The following SLC38A1 variants were observed in gnomAD, a reference collection of about 807,000 sequenced individuals.
SLC38A1 encodes the protein sodium-coupled neutral amino acid symporter 1.
A neutral mutation model predicts 60.3 loss-of-function variants in SLC38A1; 18 were observed. That is an observed-to-expected ratio of 0.30 (90% CI 0.21 to 0.44). SLC38A1 has a LOEUF of 0.44. Ranked by LOEUF, SLC38A1 falls within the 20% of genes least tolerant of loss-of-function variation. The pLI is 1.00. For missense variants in SLC38A1, 448 were observed against 587.2 expected, an observed-to-expected ratio of 0.76 and a Z score of 2.45; for synonymous variants, 196 against 212.1, an observed-to-expected ratio of 0.92 and a Z score of 0.66.
At chr12:46,196,089 A>C in intron 16 of SLC38A1, 1 of 1,508,894 alleles carries the variant, frequency 6.6e-7, no homozygotes, top group Non-Finnish European at 8.9e-7. Context: ...TCTTGGAAGC[A>C]ACCTCAGGTA....
intron 1 of SLC38A1, among the ~76,000 whole-genome samples, chr12:46,248,627 A>C (rs1179209321): frequency 2.0e-5 from 3 of 152,216 alleles, no homozygotes; most frequent in Non-Finnish European, 4.4e-5. Context: ...CAGAAGGTTA[A>C]CAAGGATATC....
At chr12:46,196,770 A>T (rs1234288916) in intron 16 of SLC38A1, among the ~76,000 whole-genome samples, 1 of 152,074 alleles carries the variant, frequency 6.6e-6, no homozygotes, top group Non-Finnish European at 1.5e-5. Context: ...GACCAAGCAA[A>T]ATGGAGCTCC....
At chr12:46,242,888 C>T (rs1393456132) in intron 2 of SLC38A1, among the ~76,000 whole-genome samples, 1 of 152,064 alleles carries the variant, frequency 6.6e-6, no homozygotes, top group Admixed American at 6.5e-5. Context: ...CCAAATGGGC[C>T]ACTGTTAAGA....
intron 1 of SLC38A1, among the ~76,000 whole-genome samples, chr12:46,253,582 C>T (rs1487036603): frequency 1.3e-5 from 2 of 152,190 alleles, no homozygotes; most frequent in Non-Finnish European, 2.9e-5. Context: ...AGCTTCTTTA[C>T]TGCAACCTGT....
intron 16 of SLC38A1, among the ~76,000 whole-genome samples, chr12:46,195,048 G>A (rs1225285920): frequency 6.6e-6 from 1 of 152,090 alleles, no homozygotes; most frequent in Non-Finnish European, 1.5e-5. Flanking sequence ...TTTCTGCTCT[G>A]GTTTCTCTCC....
At chr12:46,255,784 C>A (rs1318232563) in intron 1 of SLC38A1, among the ~76,000 whole-genome samples, 1 of 152,172 alleles carries the variant, frequency 6.6e-6, no homozygotes, top group African/African-American at 2.4e-5. Flanking sequence ...AGCATAGCTA[C>A]GGGGTGTGGC....
chr12:46,206,213 T>C, intron 8 of SLC38A1, 51 bp from the exon 9 acceptor site: 1 of 1,097,350 alleles, frequency 9.1e-7, no homozygotes, highest in Non-Finnish European at 1.4e-6. Flanking sequence ...AGTGACTTTT[T>C]TCCCCTCCAA....
Position 46,260,743 on chromosome 12 carries a change from A to G in SLC38A1, c.-209+7783T>C, listed in dbSNP as rs561642448. Among the ~76,000 whole-genome samples the G allele has an allele frequency of 5.3e-4, 81 of 152,252 alleles. No homozygotes were observed. The South Asian group carries it at 0.016, about 31-fold the overall frequency. On this transcript the variant is annotated intron_variant, in intron 1 of 16. Coordinates refer to ENST00000398637, the MANE Select transcript of SLC38A1 (RefSeq NM_030674.4). Reference sequence around the variant, plus strand: ...GAGTATGGCTTTCATACAACCTCATATCTAATCAGTTGCCAAGTCCTGCCA... The same window carrying G: ...GAGTATGGCTTTCATACAACCTCATGTCTAATCAGTTGCCAAGTCCTGCCA...
At chr12:46,236,243 T>A (rs1481326580) in intron 3 of SLC38A1, among the ~76,000 whole-genome samples, 1 of 152,198 alleles carries the variant, frequency 6.6e-6, no homozygotes, top group African/African-American at 2.4e-5. Flanking sequence ...CAATTTTTTA[T>A]GTGTGAAAAA....
chr12:46,194,904 G>T lies in SLC38A1; in HGVS notation c.1362+2816C>A, dbSNP rs772319923. Among the ~76,000 whole-genome samples, 21 of 152,096 alleles carry T rather than the reference G, an allele frequency of 1.4e-4. No homozygotes were observed. The Middle Eastern group carries it at 0.014, about 99-fold the overall frequency. ...ATGCTCCTTTAGCTCAGAGAAGTTT[G>T]TTATTACCAACCTTCTGAAGCCTAC... On this transcript the variant is annotated intron_variant, in intron 16 of 16. Coordinates refer to ENST00000398637, the MANE Select transcript of SLC38A1 (RefSeq NM_030674.4).
chr12:46,247,596 G>A (rs570881914), intron 1 of SLC38A1, among the ~76,000 whole-genome samples: 2 of 152,290 alleles, frequency 1.3e-5, no homozygotes, highest in African/African-American at 4.8e-5. Context: ...ATGAAACAAA[G>A]TTAGAAAACA....
chr12:46,232,429 T>C (rs1475973536), intron 3 of SLC38A1, among the ~76,000 whole-genome samples: 1 of 152,252 alleles, frequency 6.6e-6, no homozygotes, highest in Non-Finnish European at 1.5e-5. Context: ...ATAAAAGCAA[T>C]ATATTTGCAG....
At chr12:46,225,732 C>T (rs751593828) in intron 5 of SLC38A1, among the ~76,000 whole-genome samples, 7 of 152,148 alleles carry the variant, frequency 4.6e-5, no homozygotes, top group Admixed American at 3.9e-4. Context: ...GTTTTCCCCC[C>T]ATTCTTGAAG....
chr12:46,263,382 T>C (rs1452132025), intron 1 of SLC38A1, among the ~76,000 whole-genome samples: 1 of 152,178 alleles, frequency 6.6e-6, no homozygotes, highest in East Asian at 1.9e-4. Context: ...GCCTGGTCTT[T>C]TTATTTTTAT....
chr12:46,254,235 T>C (rs1313080580), intron 1 of SLC38A1, among the ~76,000 whole-genome samples: 1 of 152,218 alleles, frequency 6.6e-6, no homozygotes, highest in African/African-American at 2.4e-5. Flanking sequence ...TTGTTTCTTC[T>C]GAGCAGCAGC....
At chr12:46,257,920 G>A (rs753653381) in intron 1 of SLC38A1, among the ~76,000 whole-genome samples, 4 of 152,254 alleles carry the variant, frequency 2.6e-5, no homozygotes, top group African/African-American at 4.8e-5. Flanking sequence ...AGTCCATAGA[G>A]TAAAGCGAAA....
intron 5 of SLC38A1, among the ~76,000 whole-genome samples, chr12:46,222,643 T>C (rs898964584): frequency 5.3e-5 from 8 of 152,178 alleles, no homozygotes; most frequent in Non-Finnish European, 1.0e-4. Flanking sequence ...ATTTAACAAG[T>C]TTCCTAGGGT....
intron 5 of SLC38A1, among the ~76,000 whole-genome samples, chr12:46,220,694 T>C (rs1452911148): frequency 6.6e-6 from 1 of 152,218 alleles, no homozygotes; most frequent in African/African-American, 2.4e-5. Flanking sequence ...CATTCAACCT[T>C]TTTGGCATAT....
At chr12:46,229,131 G>C (rs769241408) in intron 5 of SLC38A1, 22 bp downstream of exon 5, 1 of 1,402,160 alleles carries the variant, frequency 7.1e-7, no homozygotes, top group South Asian at 1.2e-5. Context: ...AAAATGGAAA[G>C]TACCGGCACG....
Sources: allele counts gnomAD v4.1 joint callset (sites outside exome capture counted in the v4.1 genomes callset), GRCh38; gene constraint gnomAD v4.1.1; transcripts MANE v1.5; gene names NCBI Gene and HGNC (gene_info 2026-07-23, HGNC 2026-07-21).